Variants in PDE4D observed in about 807,000 individuals in gnomAD.
PDE4D encodes 3',5'-cyclic-AMP phosphodiesterase 4D.
PDE4D carries 24 observed loss-of-function variants against 87.4 expected under a neutral mutation model. That is an observed-to-expected ratio of 0.27 (90% confidence interval 0.20 to 0.39). The LOEUF (loss-of-function observed/expected upper bound fraction) is 0.39. Ranked by LOEUF, PDE4D falls within the 10% of genes least tolerant of loss-of-function variation. The pLI is 1.00. For missense variants in PDE4D, 714 were observed against 1,041.0 expected, an observed-to-expected ratio of 0.69 and a Z score of 4.32; for synonymous variants, 384 against 383.2, an observed-to-expected ratio of 1.00 and a Z score of -0.02.
At chr5:59,954,031 C>T (rs10755240) in intron 3 of PDE4D, among the ~76,000 whole-genome samples, 129,778 of 152,152 alleles carry the variant, frequency 0.85, 55,398 homozygotes, top group East Asian at 0.97. Flanking sequence ...GTTCAAACAA[C>T]TCTCCTGCCT....
chr5:59,501,472 G>A (rs1808272291), intron 1 of PDE4D, among the ~76,000 whole-genome samples: 1 of 152,126 alleles, frequency 6.6e-6, no homozygotes, highest in South Asian at 2.1e-4. Context: ...AGCAAATACA[G>A]CGACAGACAT....
At chr5:59,138,724 C>T (rs1415133065) in intron 5 of PDE4D, among the ~76,000 whole-genome samples, 1 of 152,126 alleles carries the variant, frequency 6.6e-6, no homozygotes, top group African/African-American at 2.4e-5. Flanking sequence ...CTGTATCATC[C>T]ATTCAGTCAT....
chr5:59,945,426 T>C (rs1386038340), intron 3 of PDE4D, among the ~76,000 whole-genome samples: 1 of 152,248 alleles, frequency 6.6e-6, no homozygotes, highest in Non-Finnish European at 1.5e-5. Context: ...AATTACAGTT[T>C]GGAGTTTGTG....
At chr5:59,661,083 T>A (rs1745185440) in intron 1 of PDE4D, among the ~76,000 whole-genome samples, 1 of 147,988 alleles carries the variant, frequency 6.8e-6, no homozygotes, top group African/African-American at 2.5e-5. Flanking sequence ...ATTATATATA[T>A]ATATATATAT....
chr5:60,221,818 A>G (rs1744528728), intron 1 of PDE4D, among the ~76,000 whole-genome samples: 1 of 152,102 alleles, frequency 6.6e-6, no homozygotes, highest in South Asian at 2.1e-4. Flanking sequence ...CAATGTGTGA[A>G]TATACTACAG....
At chr5:60,291,424 A>G (rs905403701) in intron 1 of PDE4D, among the ~76,000 whole-genome samples, 2 of 152,210 alleles carry the variant, frequency 1.3e-5, no homozygotes, top group African/African-American at 2.4e-5. Flanking sequence ...AATTTAAAAA[A>G]GAACTCCATT....
chr5:59,617,217 C>G (rs2150094431), intron 1 of PDE4D, among the ~76,000 whole-genome samples: 1 of 151,978 alleles, frequency 6.6e-6, no homozygotes, highest in Middle Eastern at 3.4e-3. Flanking sequence ...CCATCGTCCT[C>G]CATCTTCAAC....
At chr5:59,510,480 A>C (rs959074516) in intron 1 of PDE4D, among the ~76,000 whole-genome samples, 1 of 151,856 alleles carries the variant, frequency 6.6e-6, no homozygotes, top group Non-Finnish European at 1.5e-5. Context: ...AGAAAACAGC[A>C]ACAAAAAAAT....
intron 3 of PDE4D, among the ~76,000 whole-genome samples, chr5:59,961,790 T>A (rs1219080545): frequency 6.6e-6 from 1 of 151,698 alleles, no homozygotes; most frequent in Non-Finnish European, 1.5e-5. Context: ...AAGGGGAGAA[T>A]CAGAGATGGG....
intron 1 of PDE4D, among the ~76,000 whole-genome samples, chr5:60,225,001 T>C (rs1341227467): frequency 5.3e-5 from 8 of 152,034 alleles, no homozygotes; most frequent in Admixed American, 5.2e-4. Context: ...TCCCAGGATA[T>C]GACAAAATTC....
intron 1 of PDE4D, among the ~76,000 whole-genome samples, chr5:60,473,163 G>A (rs1250245605): frequency 9.1e-6 from 1 of 109,516 alleles, no homozygotes; most frequent in African/African-American, 3.7e-5. Context: ...AAGGAAGGAA[G>A]GAAGGAAGGA....
chr5:59,901,090 C>G (rs1414944274), intron 3 of PDE4D, among the ~76,000 whole-genome samples: 3 of 152,160 alleles, frequency 2.0e-5, no homozygotes, highest in African/African-American at 7.2e-5. Context: ...GTAGCAGCAA[C>G]TATTTTACAT....
intron 1 of PDE4D, among the ~76,000 whole-genome samples, chr5:59,247,330 T>A (rs150122972): frequency 1.3e-5 from 2 of 152,282 alleles, no homozygotes; most frequent in African/African-American, 4.8e-5. Context: ...GAGCTAGTAG[T>A]TTCAATGTTT....
chr5:60,387,391 A>G (rs1249641588), intron 1 of PDE4D, among the ~76,000 whole-genome samples: 3 of 152,170 alleles, frequency 2.0e-5, no homozygotes, highest in Non-Finnish European at 2.9e-5. Flanking sequence ...ACTTTTGTGT[A>G]TATTGTTTCC....
At chr5:60,066,638 T>C (rs13177765) in intron 2 of PDE4D, among the ~76,000 whole-genome samples, 21,673 of 149,758 alleles carry the variant, frequency 0.14, 1,608 homozygotes, top group South Asian at 0.23. Context: ...CTCAGGAAAA[T>C]GACCAAGAAA....
chr5:59,925,094 G>A (rs1383547156), intron 3 of PDE4D, among the ~76,000 whole-genome samples: 1 of 144,360 alleles, frequency 6.9e-6, no homozygotes, highest in Non-Finnish European at 1.5e-5. Context: ...AGAATGGCGT[G>A]AACCCAGGAG....
At chr5:59,469,564 C>T (rs1237409496) in intron 1 of PDE4D, among the ~76,000 whole-genome samples, 1 of 152,126 alleles carries the variant, frequency 6.6e-6, no homozygotes, top group Non-Finnish European at 1.5e-5. Context: ...TTGAACAGTG[C>T]TCCTGAGTGA....
In PDE4D at chr5:60,187,361, G is replaced by C. The variant is rs184614268; in HGVS notation, c.-89-1674C>G. ...ACTCATGTAATTTAGGAATTGGACAGAAATTAATACAAACTGAATGAAATA... is the reference window on the plus strand; with the variant it reads ...ACTCATGTAATTTAGGAATTGGACACAAATTAATACAAACTGAATGAAATA... On this transcript the variant is annotated intron_variant, in intron 1 of 16. Transcript: ENST00000502484. 1.7e-3 allele frequency among the ~76,000 whole-genome samples: 253 copies of C among 152,210 alleles called. 1 individual carries two copies. Among genetic ancestry groups the C allele is most frequent in the African/African-American group, 5.8e-3 (239 of 41,548 alleles).
Position 59,658,198 on chromosome 5 carries a change from C to T in PDE4D, c.455+234970G>A, listed in dbSNP as rs138546075. 2.8e-3 allele frequency among the ~76,000 whole-genome samples: 429 copies of T among 152,032 alleles called. 5 individuals carry two copies. The highest frequency in any genetic ancestry group is 9.9e-3 in the African/African-American group (411 of 41,462). On this transcript the variant is annotated intron_variant, in intron 1 of 14. Transcript: ENST00000340635. The stretch of plus-strand genomic sequence containing the variant: ...ATTTTTAAATATATCTTATTTAATC[C>T]TTTAAAAAAGCATGATAGTGATATT...
Sources: allele counts gnomAD v4.1 joint callset (sites outside exome capture counted in the v4.1 genomes callset), GRCh38; gene constraint gnomAD v4.1.1; transcripts MANE v1.5; gene names NCBI Gene and HGNC (gene_info 2026-07-23, HGNC 2026-07-21).